KLF8: variants seen among roughly 807,000 people sequenced by gnomAD.
KLF8 encodes KLF transcription factor 8.
KLF8 carries 10 observed loss-of-function variants against 18.2 expected under a neutral mutation model. The observed-to-expected ratio is 0.55, with a 90% CI of 0.34 to 0.93. The LOEUF (loss-of-function observed/expected upper bound fraction) is 0.93. Ranked by LOEUF, KLF8 falls within the 40% of genes least tolerant of loss-of-function variation. KLF8 has a pLI of 0.02. For missense variants in KLF8, 264 were observed against 277.9 expected (o/e 0.95, Z 0.36); for synonymous variants, 109 against 97.3 (o/e 1.12, Z -0.71).
At chrX:56,067,806 T>C in the KLF8 span, among the ~76,000 whole-genome samples, 1 of 111,809 alleles carries the variant, frequency 8.9e-6, no homozygotes, top group Non-Finnish European at 1.9e-5. Flanking sequence ...AACTCTCGAG[T>C]CCAAGGGGAC....
At chrX:56,242,158 C>T (rs1169614259) in intron 1 of KLF8, among the ~76,000 whole-genome samples, 9 of 112,113 alleles carry the variant, frequency 8.0e-5, no homozygotes, top group African/African-American at 2.6e-4. Context: ...ATCTCTAGCA[C>T]ATTCCAAGGT....
chrX:56,181,810 G>T, the KLF8 span, among the ~76,000 whole-genome samples: 1 of 100,908 alleles, frequency 9.9e-6, no homozygotes, highest in Non-Finnish European at 1.9e-5. Context: ...CTGGCTTGTA[G>T]AGTTTCTGCC....
chrX:56,182,607 A>G, the KLF8 span, among the ~76,000 whole-genome samples: 11 of 111,604 alleles, frequency 9.9e-5, no homozygotes, highest in Non-Finnish European at 1.7e-4. Context: ...GGTTTTATCT[A>G]CCTTTGGTCT....
chrX:56,222,403 A>G, the KLF8 span, among the ~76,000 whole-genome samples: 1 of 111,835 alleles, frequency 8.9e-6, no homozygotes, highest in East Asian at 2.8e-4. Context: ...ACAAACCCTG[A>G]GCTAGACACA....
At chrX:56,061,259 G>T in the KLF8 span, among the ~76,000 whole-genome samples, 2 of 111,106 alleles carry the variant, frequency 1.8e-5, no homozygotes, top group African/African-American at 6.6e-5. Flanking sequence ...TTGATGTTAG[G>T]GTGTCAATTT....
At chrX:56,019,327 T>C in the KLF8 span, among the ~76,000 whole-genome samples, 2 of 112,495 alleles carry the variant, frequency 1.8e-5, no homozygotes, top group African/African-American at 3.2e-5. Flanking sequence ...TCTTGGAGAA[T>C]GGATCTTTAC....
the KLF8 span, among the ~76,000 whole-genome samples, chrX:56,117,801 G>A: frequency 2.7e-5 from 3 of 111,882 alleles, no homozygotes; most frequent in Non-Finnish European, 5.6e-5. Context: ...CTAAATTTAA[G>A]TGCTAACCTC....
At chrX:55,913,474 C>T in the KLF8 span, among the ~76,000 whole-genome samples, 8 of 110,692 alleles carry the variant, frequency 7.2e-5, no homozygotes, top group African/African-American at 2.0e-4. Context: ...TGACTGGTGT[C>T]CTTATAAAAC....
At chrX:56,058,302 A>ATATATATG in the KLF8 span, among the ~76,000 whole-genome samples, 385 of 66,456 alleles carry the variant, frequency 5.8e-3, 13 homozygotes, top group African/African-American at 0.02. Flanking sequence ...ATATATATAT[A>ATATATATG]TATATATATA....
the KLF8 span, among the ~76,000 whole-genome samples, chrX:55,976,502 A>C: frequency 9.1e-6 from 1 of 110,113 alleles, no homozygotes; most frequent in Non-Finnish European, 1.9e-5. Flanking sequence ...TAGCATAATG[A>C]CCTCCACTTT....
At chrX:56,036,192 G>A in the KLF8 span, among the ~76,000 whole-genome samples, 1 of 111,368 alleles carries the variant, frequency 9.0e-6, no homozygotes, top group African/African-American at 3.3e-5. Flanking sequence ...ACAGATCATG[G>A]TAACTAGCAT....
chrX:56,244,603 A>G (rs1161715216), intron 1 of KLF8, among the ~76,000 whole-genome samples: 1 of 112,340 alleles, frequency 8.9e-6, no homozygotes, highest in African/African-American at 3.2e-5. Context: ...TGTCTGACAC[A>G]AAGTAAGCAC....
chrX:56,189,542 A>G, the KLF8 span, among the ~76,000 whole-genome samples: 1 of 111,112 alleles, frequency 9.0e-6, no homozygotes, highest in Non-Finnish European at 1.9e-5. Flanking sequence ...AGGACTATAA[A>G]TCATGCTGCT....
chrX:56,080,728 A>G, the KLF8 span, among the ~76,000 whole-genome samples: 1 of 111,466 alleles, frequency 9.0e-6, no homozygotes, highest in Non-Finnish European at 1.9e-5. Context: ...CTCCTGGATA[A>G]TATCCTGCAG....
chrX:56,087,223 T>A, the KLF8 span, among the ~76,000 whole-genome samples: 1 of 111,019 alleles, frequency 9.0e-6, no homozygotes, highest in Non-Finnish European at 1.9e-5. Flanking sequence ...GCCAAATATG[T>A]AGTATGCCTG....
chrX:56,026,146 G>A, the KLF8 span, among the ~76,000 whole-genome samples: 1 of 112,020 alleles, frequency 8.9e-6, no homozygotes, highest in South Asian at 3.7e-4. Context: ...GCTTTATGCT[G>A]CTGTGTGATC....
the KLF8 span, among the ~76,000 whole-genome samples, chrX:56,128,709 G>T: frequency 9.0e-6 from 1 of 111,505 alleles, no homozygotes; most frequent in Non-Finnish European, 1.9e-5. Context: ...GTACCAAATG[G>T]GATCAAAACT....
At chrX:55,916,426 CTA>C in the KLF8 span, among the ~76,000 whole-genome samples, 1 of 111,807 alleles carries the variant, frequency 8.9e-6, no homozygotes, top group South Asian at 3.7e-4. Context: ...TGTAGTGAAT[CTA>C]TTCCTACTAC....
the KLF8 span, among the ~76,000 whole-genome samples, chrX:56,170,854 T>A: frequency 9.0e-6 from 1 of 111,230 alleles, no homozygotes; most frequent in Non-Finnish European, 1.9e-5. Context: ...CAAGCAAATT[T>A]AACCCAAATA....
Sources: gnomAD v4.1 joint callset for allele counts (sites outside exome capture counted in the v4.1 genomes callset) on GRCh38, gnomAD v4.1.1 for gene constraint, MANE v1.5 for transcripts, NCBI Gene and HGNC (gene_info 2026-07-23, HGNC 2026-07-21) for gene names.